Variants in CYBRD1 observed in about 807,000 individuals in gnomAD.
CYBRD1 encodes cytochrome b reductase 1.
CYBRD1 carries 14 observed loss-of-function variants against 21.9 expected under a neutral mutation model. The ratio of observed to expected loss-of-function variants is 0.64; its 90% CI spans 0.42 to 1.00. The LOEUF (loss-of-function observed/expected upper bound fraction) is 1.00. CYBRD1 is among the 50% of genes least tolerant of loss of function. CYBRD1 has a pLI of 0.00. For missense variants in CYBRD1, 328 were observed against 352.5 expected (o/e 0.93, Z 0.56); for synonymous variants, 146 against 136.5 (o/e 1.07, Z -0.48).
intron 1 of CYBRD1, among the ~76,000 whole-genome samples, chr2:171,537,849 A>G (rs1697567935): frequency 6.6e-6 from 1 of 152,230 alleles, no homozygotes; most frequent in Non-Finnish European, 1.5e-5. Flanking sequence ...AAGAGAGGAT[A>G]TTGAATGTTT....
chr2:171,537,419 G>A (rs919653539), intron 1 of CYBRD1, among the ~76,000 whole-genome samples: 3 of 152,162 alleles, frequency 2.0e-5, no homozygotes, highest in Non-Finnish European at 4.4e-5. Flanking sequence ...CACAGTGTTT[G>A]AGTTGACATC....
chr2:171,553,908 A>G (rs1468283109), intron 3 of CYBRD1, among the ~76,000 whole-genome samples: 1 of 152,234 alleles, frequency 6.6e-6, no homozygotes, highest in Non-Finnish European at 1.5e-5. Flanking sequence ...AAAGCAAGTA[A>G]AGAATGAAGC....
intron 1 of CYBRD1, among the ~76,000 whole-genome samples, chr2:171,533,164 C>T (rs1194200608): frequency 2.0e-5 from 3 of 151,646 alleles, no homozygotes; most frequent in South Asian, 2.1e-4. Flanking sequence ...GTCAGGAGTT[C>T]GAGACGAGCC....
At chr2:171,550,470 A>G (rs1697782546) in intron 2 of CYBRD1, among the ~76,000 whole-genome samples, 1 of 152,144 alleles carries the variant, frequency 6.6e-6, no homozygotes, top group Non-Finnish European at 1.5e-5. Context: ...TTTTCGGTCC[A>G]CTAGGTTATA....
At chr2:171,524,853 C>T (rs1000776791) in intron 1 of CYBRD1, among the ~76,000 whole-genome samples, 1 of 152,186 alleles carries the variant, frequency 6.6e-6, no homozygotes, top group Non-Finnish European at 1.5e-5. Context: ...CTTTGTACTT[C>T]TCTTAATCTG....
chr2:171,523,706 ATGTT>A (rs904679878), intron 1 of CYBRD1, among the ~76,000 whole-genome samples: 2 of 134,330 alleles, frequency 1.5e-5, no homozygotes, highest in Non-Finnish European at 3.1e-5. Flanking sequence ...GTCGCTGGCA[ATGTT>A]TGTTGTCATT....
chr2:171,531,975 A>G (rs1174702563), intron 1 of CYBRD1, among the ~76,000 whole-genome samples: 1 of 152,226 alleles, frequency 6.6e-6, no homozygotes, highest in African/African-American at 2.4e-5. Flanking sequence ...TATCTTCCAA[A>G]TCATCTGAAT....
chr2:171,533,091 G>A (rs747717584), intron 1 of CYBRD1, among the ~76,000 whole-genome samples: 1 of 152,144 alleles, frequency 6.6e-6, no homozygotes. Context: ...TTTGGGCCGG[G>A]CATGGTGGCT....
intron 2 of CYBRD1, among the ~76,000 whole-genome samples, chr2:171,550,483 T>C (rs1344377562): frequency 6.6e-6 from 1 of 152,124 alleles, no homozygotes; most frequent in Non-Finnish European, 1.5e-5. Context: ...AGGTTATAAA[T>C]TATCACCTTC....
intron 1 of CYBRD1, among the ~76,000 whole-genome samples, chr2:171,529,831 C>T (rs965151735): frequency 6.6e-6 from 1 of 152,134 alleles, no homozygotes; most frequent in African/African-American, 2.4e-5. Flanking sequence ...TTCTATGATC[C>T]CTGCAAGGGA....
At chr2:171,550,109 G>T (rs564175959) in intron 2 of CYBRD1, among the ~76,000 whole-genome samples, 72 of 151,952 alleles carry the variant, frequency 4.7e-4, no homozygotes, top group African/African-American at 6.8e-4. Flanking sequence ...TTATTTTTTT[G>T]TTGTTGTTGT....
chr2:171,553,827 A>G (rs977485158), intron 3 of CYBRD1, among the ~76,000 whole-genome samples: 3 of 152,190 alleles, frequency 2.0e-5, no homozygotes, highest in Non-Finnish European at 4.4e-5. Flanking sequence ...ATTTTAAGTG[A>G]TAACTGTTAC....
At chr2:171,542,788 C>T (rs1697653863) in intron 2 of CYBRD1, among the ~76,000 whole-genome samples, 1 of 151,976 alleles carries the variant, frequency 6.6e-6, no homozygotes, top group Non-Finnish European at 1.5e-5. Flanking sequence ...TGATGAGGTG[C>T]ACAGCTCCCT....
At chr2:171,540,336 C>G (rs1477067988) in intron 1 of CYBRD1, among the ~76,000 whole-genome samples, 1 of 152,094 alleles carries the variant, frequency 6.6e-6, no homozygotes. Flanking sequence ...GGGTCTAGTT[C>G]TAGTTGTAGA....
intron 2 of CYBRD1, among the ~76,000 whole-genome samples, chr2:171,551,882 A>G (rs1683382144): frequency 6.6e-6 from 1 of 152,184 alleles, no homozygotes; most frequent in African/African-American, 2.4e-5. Context: ...TAATCTCAAG[A>G]TTCTTTTGGA....
At chr2:171,522,285 GGAGAGGGT>G, upstream of CYBRD1, 1 of 1,547,988 alleles carries the variant, frequency 6.5e-7, no homozygotes, top group Middle Eastern at 1.7e-4. The surrounding 1 kb of genome is among the most constrained non-coding windows in gnomAD (Gnocchi z 4.3). Flanking sequence ...GCTGGACGAG[GGAGAGGGT>G]GAGGCCACCA....
chr2:171,550,112 G>A (rs113773977), intron 2 of CYBRD1, among the ~76,000 whole-genome samples: 3,745 of 151,944 alleles, frequency 0.025, 133 homozygotes, highest in African/African-American at 0.085. Context: ...TTTTTTTGTT[G>A]TTGTTGTTTT....
chr2:171,527,020 A>G (rs1388051901), intron 1 of CYBRD1, among the ~76,000 whole-genome samples: 1 of 152,214 alleles, frequency 6.6e-6, no homozygotes, highest in East Asian at 1.9e-4. Flanking sequence ...TAATTTATCT[A>G]AAAGTGACCA....
chr2:171,525,356 TGCA>T (rs1697369206), intron 1 of CYBRD1, among the ~76,000 whole-genome samples: 1 of 152,220 alleles, frequency 6.6e-6, no homozygotes, highest in African/African-American at 2.4e-5. Context: ...TTAATCATAA[TGCA>T]TTTAATTGAC....
Sources: gnomAD v4.1 joint callset for allele counts (sites outside exome capture counted in the v4.1 genomes callset) on GRCh38, gnomAD v4.1.1 for gene constraint, Gnocchi (gnomAD v3.1) non-coding constraint, MANE v1.5 for transcripts, NCBI Gene and HGNC (gene_info 2026-07-23, HGNC 2026-07-21) for gene names.